The following SLC24A2 variants were observed in gnomAD, a reference collection of about 807,000 sequenced individuals.
The protein encoded by SLC24A2 is solute carrier family 24 member 2, also known as sodium/potassium/calcium exchanger 2.
In SLC24A2, 36 loss-of-function variants were observed where a neutral mutation model predicts 62.0. That is an observed-to-expected ratio of 0.58 (90% confidence interval 0.44 to 0.77). SLC24A2 has a LOEUF of 0.77. Ranked by LOEUF, SLC24A2 falls within the 30% of genes least tolerant of loss-of-function variation. The pLI is 0.00. For missense variants in SLC24A2, 846 were observed against 817.9 expected, an observed-to-expected ratio of 1.03 and a Z score of -0.42; for synonymous variants, 358 against 294.0, an observed-to-expected ratio of 1.22 and a Z score of -2.23.
the SLC24A2 span, among the ~76,000 whole-genome samples, chr9:19,815,374 T>C: frequency 2.0e-5 from 3 of 152,162 alleles, no homozygotes; most frequent in Non-Finnish European, 4.4e-5. Flanking sequence ...ACTAATGAAA[T>C]AATAACTGGA....
chr9:19,735,465 T>C (rs1162592751), intron 2 of SLC24A2, among the ~76,000 whole-genome samples: 4 of 152,098 alleles, frequency 2.6e-5, no homozygotes, highest in Non-Finnish European at 4.4e-5. Context: ...CTCAGGGATC[T>C]AGAACTAGAA....
At chr9:19,563,577 A>G (rs1262924566) in intron 7 of SLC24A2, among the ~76,000 whole-genome samples, 1 of 152,174 alleles carries the variant, frequency 6.6e-6, no homozygotes, top group Admixed American at 6.5e-5. Flanking sequence ...TTTTTGACCA[A>G]CATTTATTAC....
intron 2 of SLC24A2, among the ~76,000 whole-genome samples, chr9:19,678,430 C>A (rs532939750): frequency 2.9e-4 from 44 of 152,304 alleles, no homozygotes; most frequent in African/African-American, 1.0e-3. Flanking sequence ...CCTGGGCAAA[C>A]CCATGAAATG....
chr9:19,814,823 G>T, the SLC24A2 span, among the ~76,000 whole-genome samples: 27 of 152,140 alleles, frequency 1.8e-4, no homozygotes, highest in Non-Finnish European at 3.5e-4. Flanking sequence ...AATGAATCCT[G>T]TTTAGAAAAG....
intron 7 of SLC24A2, 69 bp from the exon 8 acceptor site, chr9:19,550,337 G>A (rs1203979783): frequency 7.3e-6 from 11 of 1,514,414 alleles, no homozygotes; most frequent in Middle Eastern, 3.4e-4. Context: ...AACAACAGGA[G>A]CACAGAACAA....
intron 2 of SLC24A2, among the ~76,000 whole-genome samples, chr9:19,657,981 C>A (rs1217278406): frequency 6.6e-6 from 1 of 152,278 alleles, no homozygotes; most frequent in East Asian, 1.9e-4. Context: ...TCCCTGATTC[C>A]TGCTTGTAGT....
chr9:20,163,829 A>G, the SLC24A2 span, among the ~76,000 whole-genome samples: 1 of 152,320 alleles, frequency 6.6e-6, no homozygotes, highest in Non-Finnish European at 1.5e-5. Context: ...GTAACGCCGC[A>G]TATCTACAAC....
At chr9:19,703,855 T>C (rs1341930408) in intron 2 of SLC24A2, among the ~76,000 whole-genome samples, 1 of 152,218 alleles carries the variant, frequency 6.6e-6, no homozygotes, top group Non-Finnish European at 1.5e-5. Context: ...ATCACTATTT[T>C]GTAATCCTTA....
the SLC24A2 span, among the ~76,000 whole-genome samples, chr9:19,968,218 A>G: frequency 2.0e-4 from 31 of 152,288 alleles, no homozygotes; most frequent in Non-Finnish European, 3.1e-4. Flanking sequence ...TCTGCTTTCC[A>G]TTGTTCATCT....
Position 19,542,130 on chromosome 9 carries a change from G to A in SLC24A2, c.1479+8007C>T, listed in dbSNP as rs564162522. On this transcript the variant is annotated intron_variant, in intron 8 of 10. Transcript: ENST00000341998. ...TGGCACTCCCTAGTGAGATGAACCC[G>A]GTACCTCAGATGGAAATGCAGAAAT... Among the ~76,000 whole-genome samples the A allele has an allele frequency of 4.5e-4, 69 of 152,234 alleles. 1 individual carries two copies. The highest frequency in any genetic ancestry group is 1.4e-3 in the Admixed American group (22 of 15,300).
chr9:20,051,854 G>A, the SLC24A2 span, among the ~76,000 whole-genome samples: 1 of 151,614 alleles, frequency 6.6e-6, no homozygotes, highest in African/African-American at 2.4e-5. Flanking sequence ...TTGTTTACAA[G>A]GACCCCTAAT....
At chr9:20,001,888 T>A in the SLC24A2 span, among the ~76,000 whole-genome samples, 4 of 152,198 alleles carry the variant, frequency 2.6e-5, no homozygotes, top group Non-Finnish European at 5.9e-5. Flanking sequence ...ATCAGTTCTG[T>A]GATATATTCC....
chr9:19,546,301 C>A (rs562868436), intron 8 of SLC24A2, among the ~76,000 whole-genome samples: 15 of 152,352 alleles, frequency 9.8e-5, no homozygotes, highest in African/African-American at 3.6e-4. Flanking sequence ...ACCGCCCCTT[C>A]CGCCAGATGC....
intron 2 of SLC24A2, among the ~76,000 whole-genome samples, chr9:19,636,327 C>CTTTTCTTTTCTTTTCT (rs1564009807): frequency 4.8e-5 from 1 of 20,736 alleles, no homozygotes; most frequent in Non-Finnish European, 1.0e-4. Flanking sequence ...TTCTTTCTTT[C>CTTTTCTTTTCTTTTCT]TTTCTTTCTT....
At chr9:20,019,509 T>G in the SLC24A2 span, among the ~76,000 whole-genome samples, 5 of 152,202 alleles carry the variant, frequency 3.3e-5, no homozygotes, top group African/African-American at 1.2e-4. Context: ...GCGTTATTTC[T>G]GAGGCCTCTG....
At chr9:19,846,995 C>A in the SLC24A2 span, among the ~76,000 whole-genome samples, 283 of 152,194 alleles carry the variant, frequency 1.9e-3, 2 homozygotes, top group African/African-American at 5.8e-3. Flanking sequence ...GCTCTCCAGC[C>A]TGGGTGACAG....
At chr9:19,858,124 T>A in the SLC24A2 span, among the ~76,000 whole-genome samples, 1 of 152,006 alleles carries the variant, frequency 6.6e-6, no homozygotes, top group Non-Finnish European at 1.5e-5. Context: ...GCTACAGTAA[T>A]CAAAACAGCA....
Position 19,607,674 on chromosome 9 carries a change from G to A in SLC24A2, c.1079-10395C>T, listed in dbSNP as rs1047029467. ...GTGGAGGTGGCAGTGAGCCAAGATC[G>A]TGCCACTGCATTCCAGCCTAGGTGA... On this transcript the variant is annotated intron_variant, in intron 4 of 10. Transcript: ENST00000341998. Among the ~76,000 whole-genome samples, 28 of 146,230 alleles carry A rather than the reference G, an allele frequency of 1.9e-4. No individual in the cohort carries two copies. In the East Asian group the frequency reaches 5.0e-3, roughly 26 times the overall value.
intron 2 of SLC24A2, among the ~76,000 whole-genome samples, chr9:19,684,511 C>G (rs1295672384): frequency 1.3e-5 from 2 of 152,038 alleles, no homozygotes; most frequent in Non-Finnish European, 2.9e-5. Flanking sequence ...ACCCACACTA[C>G]AAGTGAGCAT....
Sources: gnomAD v4.1 joint callset for allele counts (sites outside exome capture counted in the v4.1 genomes callset) on GRCh38, gnomAD v4.1.1 for gene constraint, MANE v1.5 for transcripts, NCBI Gene and HGNC (gene_info 2026-07-23, HGNC 2026-07-21) for gene names.